The following PLGRKT variants were observed in gnomAD, a reference collection of about 807,000 sequenced individuals.
PLGRKT encodes plasminogen receptor (KT).
Under a neutral mutation model 18.5 loss-of-function variants are expected in PLGRKT, and 22 were observed. The ratio of observed to expected loss-of-function variants is 1.19; its 90% CI spans 0.85 to 1.70. The LOEUF (loss-of-function observed/expected upper bound fraction) is 1.70. Ranked by LOEUF, PLGRKT falls within the 40% of genes most tolerant of loss-of-function variation. The pLI is 0.00. For missense variants in PLGRKT, 235 were observed against 174.4 expected, an observed-to-expected ratio of 1.35 and a Z score of -1.96; for synonymous variants, 72 against 52.8, an observed-to-expected ratio of 1.36 and a Z score of -1.58.
chr9:5,363,743 A>C (rs914153389), intron 3 of PLGRKT, among the ~76,000 whole-genome samples: 1 of 152,298 alleles, frequency 6.6e-6, no homozygotes, highest in Middle Eastern at 3.4e-3. Context: ...AGGTCATACC[A>C]GGGAAAAGAT....
At chr9:5,385,432 ATGATCCTCCTGCCTCG>A (rs1412009514) in intron 3 of PLGRKT, among the ~76,000 whole-genome samples, 3 of 151,428 alleles carry the variant, frequency 2.0e-5, no homozygotes, top group Admixed American at 2.0e-4. Context: ...TCCTGACCTC[ATGATCCTCCTGCCTCG>A]TGATCCTCCT....
intron 3 of PLGRKT, among the ~76,000 whole-genome samples, chr9:5,414,305 T>C (rs890835946): frequency 4.6e-5 from 7 of 152,164 alleles, no homozygotes; most frequent in African/African-American, 1.7e-4. Flanking sequence ...TAGCTGGTAT[T>C]ACAGGCACCT....
chr9:5,362,071 G>T (rs536000199), intron 3 of PLGRKT, among the ~76,000 whole-genome samples, 183 bp from the exon 4 acceptor site: 1 of 152,334 alleles, frequency 6.6e-6, no homozygotes, highest in East Asian at 1.9e-4. Flanking sequence ...CACCTTGGCA[G>T]TGAAATCTTC....
chr9:5,435,326 A>C (rs1586752326), intron 2 of PLGRKT, among the ~76,000 whole-genome samples: 2 of 149,622 alleles, frequency 1.3e-5, no homozygotes, highest in African/African-American at 5.0e-5. Context: ...AATACTAAAA[A>C]AAAAAAAAAA....
chr9:5,409,431 G>A, intron 3 of PLGRKT, among the ~76,000 whole-genome samples: 1 of 152,208 alleles, frequency 6.6e-6, no homozygotes, highest in East Asian at 1.9e-4. Context: ...CGGACTCCGA[G>A]TTCTTCAATT....
At chr9:5,415,973 G>A (rs972764621) in intron 3 of PLGRKT, among the ~76,000 whole-genome samples, 1 of 151,526 alleles carries the variant, frequency 6.6e-6, no homozygotes, top group African/African-American at 2.4e-5. Context: ...AAAAATCAGT[G>A]GTTAATAGTA....
chr9:5,386,670 T>C (rs2131102776), intron 3 of PLGRKT, among the ~76,000 whole-genome samples: 1 of 151,902 alleles, frequency 6.6e-6, no homozygotes, highest in East Asian at 1.9e-4. Flanking sequence ...GCCTTCATCT[T>C]TTCCTTCTGA....
At chr9:5,402,358 C>T (rs183141970) in intron 3 of PLGRKT, among the ~76,000 whole-genome samples, 1 of 151,984 alleles carries the variant, frequency 6.6e-6, no homozygotes, top group Non-Finnish European at 1.5e-5. Flanking sequence ...AAACCATGAA[C>T]TCTTTTAGGC....
chr9:5,429,661 G>C (rs1818781887), intron 3 of PLGRKT, among the ~76,000 whole-genome samples: 1 of 152,056 alleles, frequency 6.6e-6, no homozygotes, highest in Admixed American at 6.5e-5. Context: ...ACACTGAATT[G>C]GGGCCCATTC....
At chr9:5,365,854 A>T (rs1256204139) in intron 3 of PLGRKT, among the ~76,000 whole-genome samples, 2 of 152,258 alleles carry the variant, frequency 1.3e-5, no homozygotes, top group South Asian at 2.1e-4. Context: ...GTCATGAACA[A>T]ATATTATATT....
At position 5,413,575 on chromosome 9, in the gene PLGRKT, G is replaced by A. The variant is rs182789520; in HGVS notation, c.81+18322C>T. 5.8e-4 allele frequency among the ~76,000 whole-genome samples: 88 copies of A among 152,326 alleles called. No individual in the cohort carries two copies. The Middle Eastern group carries it at 0.014, about 24-fold the overall frequency. On this transcript the variant is annotated intron_variant, in intron 3 of 5. Transcript: ENST00000223864. ...GCTTAAATGTGGAGGAAGGGCCCAT[G>A]AGCCAAGGAATGCAGGCAGCCTCTA...
At chr9:5,413,811 T>G (rs1480969948) in intron 3 of PLGRKT, among the ~76,000 whole-genome samples, 1 of 152,220 alleles carries the variant, frequency 6.6e-6, no homozygotes, top group Non-Finnish European at 1.5e-5. Flanking sequence ...CATACATCAT[T>G]TGAATAAATT....
At chr9:5,414,169 T>A (rs1818416028) in intron 3 of PLGRKT, among the ~76,000 whole-genome samples, 1 of 152,116 alleles carries the variant, frequency 6.6e-6, no homozygotes, top group Non-Finnish European at 1.5e-5. Context: ...TTGGAGTGTA[T>A]CTTTTTTGTT....
At chr9:5,408,080 G>A (rs1043002312) in intron 3 of PLGRKT, among the ~76,000 whole-genome samples, 3 of 152,118 alleles carry the variant, frequency 2.0e-5, no homozygotes, top group Non-Finnish European at 2.9e-5. Context: ...TAAATTTGGA[G>A]GGGCAAGAAA....
chr9:5,393,642 G>C (rs756692181), intron 3 of PLGRKT, among the ~76,000 whole-genome samples: 7 of 151,516 alleles, frequency 4.6e-5, no homozygotes, highest in Admixed American at 6.6e-5. Flanking sequence ...GAGCTGTGCT[G>C]CTCATTTTCA....
intron 3 of PLGRKT, among the ~76,000 whole-genome samples, chr9:5,401,362 T>C (rs1472429484): frequency 6.6e-6 from 1 of 152,006 alleles, no homozygotes; most frequent in East Asian, 1.9e-4. Context: ...CATTAAAACT[T>C]TGTCTAACAC....
chr9:5,429,441 T>C (rs186243967), intron 3 of PLGRKT, among the ~76,000 whole-genome samples: 53 of 152,336 alleles, frequency 3.5e-4, no homozygotes, highest in Non-Finnish European at 5.9e-5. Context: ...AAATTTATTG[T>C]CTCTGTTCTG....
intron 3 of PLGRKT, chr9:5,381,875 T>G: frequency 1.0e-6 from 1 of 984,646 alleles, no homozygotes; most frequent in Non-Finnish European, 1.2e-6. Context: ...TCCTCACAGA[T>G]CCTTAAGTTG....
intron 3 of PLGRKT, among the ~76,000 whole-genome samples, chr9:5,393,777 T>C (rs1427316139): frequency 6.6e-6 from 1 of 151,900 alleles, no homozygotes; most frequent in Non-Finnish European, 1.5e-5. Flanking sequence ...TAACAATATT[T>C]AACCATTTGC....
Sources: gnomAD v4.1 joint callset for allele counts (sites outside exome capture counted in the v4.1 genomes callset) on GRCh38, gnomAD v4.1.1 for gene constraint, MANE v1.5 for transcripts, NCBI Gene and HGNC (gene_info 2026-07-23, HGNC 2026-07-21) for gene names.